OR13A1: variants seen among roughly 807,000 people sequenced by gnomAD.
The protein encoded by OR13A1 is olfactory receptor 13A1.
A neutral mutation model predicts 7.5 loss-of-function variants in OR13A1; 10 were observed. That is an observed-to-expected ratio of 1.34 (90% confidence interval 0.83 to 2.27). OR13A1 has a LOEUF of 2.27. Among genes scored for constraint, OR13A1 ranks in the 30% most tolerant of loss-of-function variants. OR13A1 has a pLI of 0.00. For synonymous variants in OR13A1, 238 were observed against 177.9 expected (o/e 1.34, Z -2.69); for missense variants, 509 against 419.1 (o/e 1.21, Z -1.87).
At chr10:45,309,714 C>A (rs571510776) in intron 1 of OR13A1, among the ~76,000 whole-genome samples, 2 of 152,082 alleles carry the variant, frequency 1.3e-5, no homozygotes, top group East Asian at 1.9e-4. Context: ...TCAGGATGTA[C>A]GTAGATGTAT....
intron 1 of OR13A1, 90 bp from the exon 2 acceptor site, chr10:45,307,898 T>C (rs1361808663): frequency 6.6e-6 from 1 of 152,250 alleles, no homozygotes; most frequent in Non-Finnish European, 1.5e-5. Flanking sequence ...ATTAAAAAGG[T>C]AATTTCATTG....
chr10:45,306,369 C>T (rs1838329602), intron 3 of OR13A1, among the ~76,000 whole-genome samples: 3 of 151,526 alleles, frequency 2.0e-5, no homozygotes, highest in South Asian at 2.1e-4. Context: ...AGGAGAATGG[C>T]GTGAACCCGG....
chr10:45,308,038 G>A (rs1444259996), intron 1 of OR13A1, among the ~76,000 whole-genome samples: 2 of 152,094 alleles, frequency 1.3e-5, no homozygotes, highest in African/African-American at 2.4e-5. Context: ...TAATAATGGA[G>A]AACTTGACTC....
intron 3 of OR13A1, among the ~76,000 whole-genome samples, chr10:45,305,877 C>T (rs1298915843): frequency 6.6e-6 from 1 of 152,182 alleles, no homozygotes; most frequent in Non-Finnish European, 1.5e-5. Context: ...TATCCTAGTA[C>T]ACAATACACG....
intron 1 of OR13A1, among the ~76,000 whole-genome samples, chr10:45,313,287 A>G (rs2133048415): frequency 6.6e-6 from 1 of 150,896 alleles, no homozygotes; most frequent in Non-Finnish European, 1.5e-5. Context: ...TATAGAATAC[A>G]CACAAAAGGA....
At chr10:45,310,481 G>A (rs1056683073) in intron 1 of OR13A1, among the ~76,000 whole-genome samples, 1 of 152,174 alleles carries the variant, frequency 6.6e-6, no homozygotes, top group Non-Finnish European at 1.5e-5. Flanking sequence ...TTTATTTTAA[G>A]CAAGTGAGGC....
Position 45,304,297 on chromosome 10 carries a change from C to T in OR13A1, c.126G>A (p.Arg42=). 6.2e-7 allele frequency: 1 copy of T among 1,614,106 alleles called. No individual in the cohort carries two copies. Among genetic ancestry groups the T allele is most frequent in the Non-Finnish European group, 8.5e-7 (1 of 1,180,024 alleles). The change falls in exon 4 of 4, where the codon CGG becomes CGA. Residue 42 remains arginine, a synonymous_variant. Transcript: ENST00000553795. ...LQGFSEHPEY[R]VFLFSCFLFL... ...AGAGGAAACAGCTGAATAAGAACACCCGGTATTCTGGGTGCTCCGAAAAGC... is the reference window on the plus strand; with the variant it reads ...AGAGGAAACAGCTGAATAAGAACACTCGGTATTCTGGGTGCTCCGAAAAGC...
In OR13A1 at chr10:45,303,979, C is replaced by G; in HGVS notation, c.444G>C (p.Leu148=). The G allele has an allele frequency of 1.9e-6, 3 of 1,612,788 alleles. No homozygotes were observed. The highest frequency in any genetic ancestry group is 2.5e-6 in the Non-Finnish European group (3 of 1,179,204). The change falls in exon 4 of 4, where the codon CTG becomes CTC. Residue 148 remains leucine, a synonymous_variant. Coordinates refer to ENST00000553795, the MANE Select transcript of OR13A1 (RefSeq NM_001004297.3). ...CCTTGCTCATCATGCTGCTGTAATGCAGCGGGTGGCAGATGGCTGCGTACC... is the reference window on the plus strand; with the variant it reads ...CCTTGCTCATCATGCTGCTGTAATGGAGCGGGTGGCAGATGGCTGCGTACC... ...YDRYAAICHP[L]HYSSMMSKVF...
chr10:45,312,054 CT>C (rs1383866565), intron 1 of OR13A1, among the ~76,000 whole-genome samples: 1 of 152,042 alleles, frequency 6.6e-6, no homozygotes, highest in Admixed American at 6.5e-5. Flanking sequence ...TATAATAAAC[CT>C]GCCCAAATGA....
intron 1 of OR13A1, 116 bp from the exon 2 acceptor site, chr10:45,307,924 C>A (rs1256911907): frequency 6.6e-6 from 1 of 152,124 alleles, no homozygotes; most frequent in Non-Finnish European, 1.5e-5. Context: ...TTTCTAAAGA[C>A]AAATTATATT....
At chr10:45,313,971 T>C (rs1160536738) in intron 1 of OR13A1, among the ~76,000 whole-genome samples, 1 of 152,196 alleles carries the variant, frequency 6.6e-6, no homozygotes, top group Non-Finnish European at 1.5e-5. Flanking sequence ...TTCTCAAGTT[T>C]ACATGGAATA....
At chr10:45,312,188 T>A (rs1012690298) in intron 1 of OR13A1, among the ~76,000 whole-genome samples, 3 of 151,532 alleles carry the variant, frequency 2.0e-5, no homozygotes, top group Non-Finnish European at 2.9e-5. Flanking sequence ...CAGAAAAAAA[T>A]TTGAATGAAT....
intron 1 of OR13A1, among the ~76,000 whole-genome samples, chr10:45,313,411 T>A (rs1838475601): frequency 6.6e-6 from 1 of 151,904 alleles, no homozygotes; most frequent in South Asian, 2.1e-4. Flanking sequence ...AACAACAAAA[T>A]GGCAAGTGTA....
chr10:45,311,745 C>T (rs1287720606), intron 1 of OR13A1, among the ~76,000 whole-genome samples: 1 of 145,956 alleles, frequency 6.9e-6, no homozygotes, highest in African/African-American at 2.7e-5. Context: ...AGGCTTAGTA[C>T]CTGAGTGATG....
chr10:45,308,379 T>C (rs1188981895), intron 1 of OR13A1, among the ~76,000 whole-genome samples: 1 of 152,246 alleles, frequency 6.6e-6, no homozygotes, highest in Non-Finnish European at 1.5e-5. Flanking sequence ...GTGTAATTTG[T>C]TGGTTGCCTC....
chr10:45,303,487 G>C lies in OR13A1; in HGVS notation c.936C>G (p.Asn312Lys), dbSNP rs770207447. The C allele has an allele frequency of 2.5e-6, 4 of 1,611,714 alleles. No individual in the cohort carries two copies. Among genetic ancestry groups the C allele is most frequent in the Non-Finnish European group, 3.4e-6 (4 of 1,178,768 alleles). ...TCCTGAGGGCTGCTTTGACCTCCTTGTTTCTCAAAGTATAGATGAGGGGGT... is the reference window on the plus strand; with the variant it reads ...TCCTGAGGGCTGCTTTGACCTCCTTCTTTCTCAAAGTATAGATGAGGGGGT... ...TLNPLIYTLR[N>K]KEVKAALRKL... The change falls in exon 4 of 4, where the codon AAC becomes AAG. Residue 312 changes from asparagine (N) to lysine (K), a missense_variant. Transcript: ENST00000553795.
Position 45,313,150 on chromosome 10 carries a change from G to A in OR13A1, c.-225+2374C>T, listed in dbSNP as rs187628219. On this transcript the variant is annotated intron_variant, in intron 1 of 3. Transcript: ENST00000553795. The stretch of plus-strand genomic sequence containing the variant: ...GTAACTTGTGACATAAGTAACCTAA[G>A]GTGAGGGTAGGAGCTTTGAAGAAAT... Among the ~76,000 whole-genome samples the A allele has an allele frequency of 1.8e-4, 28 of 152,110 alleles. No homozygotes were observed. The East Asian group carries it at 4.4e-3, about 24-fold the overall frequency.
chr10:45,312,295 A>G (rs1838460006), intron 1 of OR13A1, among the ~76,000 whole-genome samples: 1 of 152,050 alleles, frequency 6.6e-6, no homozygotes, highest in African/African-American at 2.4e-5. Flanking sequence ...AGAAACTCAC[A>G]CCAAGCCACA....
At chr10:45,311,420 A>C (rs1315918622) in intron 1 of OR13A1, among the ~76,000 whole-genome samples, 1 of 152,204 alleles carries the variant, frequency 6.6e-6, no homozygotes, top group Non-Finnish European at 1.5e-5. Context: ...TGTTCTTGAG[A>C]AACAAGCAAA....
Sources: allele counts gnomAD v4.1 joint callset (sites outside exome capture counted in the v4.1 genomes callset), GRCh38; gene constraint gnomAD v4.1.1; transcripts MANE v1.5; gene names NCBI Gene and HGNC (gene_info 2026-07-23, HGNC 2026-07-21).